The following TMEM35B variants were observed in gnomAD, a reference collection of about 807,000 sequenced individuals.
The protein encoded by TMEM35B is transmembrane protein 35B, also known as ZMYM6 neighbor protein.
TMEM35B carries 6 observed loss-of-function variants against 8.7 expected under a neutral mutation model. The observed-to-expected ratio is 0.69, with a 90% CI of 0.38 to 1.36. The LOEUF is 1.36. Among genes scored for constraint, TMEM35B ranks in the 40% most tolerant of loss-of-function variants. TMEM35B has a pLI of 0.02. For missense variants in TMEM35B, 176 were observed against 181.6 expected (o/e 0.97, Z 0.18); for synonymous variants, 89 against 87.0 (o/e 1.02, Z -0.13).
chr1:34,982,457 CTTTTTTTTTT>C (rs540924637), intron 2 of TMEM35B, among the ~76,000 whole-genome samples: 6 of 129,740 alleles, frequency 4.6e-5, no homozygotes, highest in African/African-American at 1.8e-4. Flanking sequence ...TTCTCCTTTC[CTTTTTTTTTT>C]TTTTTTTTGA....
chr1:34,985,079 C>A (rs1467213998), intron 1 of TMEM35B, 119 bp downstream of exon 1: 1 of 732,920 alleles, frequency 1.4e-6, no homozygotes. Flanking sequence ...CGCTTTCCCC[C>A]AGCTCCAGCT....
chr1:34,981,774 T>TC (rs1640509108), exon 3 of TMEM35B: 1 of 490,678 alleles, frequency 2.0e-6, no homozygotes, highest in African/African-American at 2.0e-5. Flanking sequence ...TAACATGTAC[T>TC]CCTCACAAAA....
At chr1:34,981,921 TGGCATAAA>T in exon 3 of TMEM35B, 1 of 1,499,714 alleles carries the variant, frequency 6.7e-7, no homozygotes, top group Non-Finnish European at 8.9e-7. Context: ...GACAGCTGCA[TGGCATAAA>T]GAGACAGAGA....
intron 1 of TMEM35B, among the ~76,000 whole-genome samples, chr1:34,984,988 T>C (rs1640550470): frequency 1.3e-5 from 2 of 151,698 alleles, no homozygotes; most frequent in African/African-American, 4.9e-5. Context: ...AAGGGGAGGT[T>C]CTGTCCCCTT....
chr1:34,982,756 T>C (rs927967964), intron 2 of TMEM35B, among the ~76,000 whole-genome samples: 4 of 152,292 alleles, frequency 2.6e-5, no homozygotes, highest in African/African-American at 9.6e-5. Context: ...ATTACAGGCA[T>C]GAGCCACCGT....
At chr1:34,983,029 T>C (rs1158354570) in intron 2 of TMEM35B, among the ~76,000 whole-genome samples, 1 of 152,150 alleles carries the variant, frequency 6.6e-6, no homozygotes, top group Non-Finnish European at 1.5e-5. Flanking sequence ...TGAGGGGGAC[T>C]CCCTAGGGAA....
intron 1 of TMEM35B, among the ~76,000 whole-genome samples, chr1:34,984,918 G>A (rs964647157): frequency 6.6e-6 from 1 of 152,076 alleles, no homozygotes; most frequent in African/African-American, 2.4e-5. Flanking sequence ...CAGGGTCCGG[G>A]GGGGTGGGAG....
intron 1 of TMEM35B, among the ~76,000 whole-genome samples, chr1:34,984,498 C>T (rs1008247431): frequency 2.6e-5 from 4 of 152,220 alleles, no homozygotes; most frequent in Non-Finnish European, 5.9e-5. Flanking sequence ...CAGCTCTAAG[C>T]TGTCTGTCTC....
intron 2 of TMEM35B, among the ~76,000 whole-genome samples, 163 bp downstream of exon 2, chr1:34,983,604 A>C (rs999656577): frequency 6.2e-5 from 9 of 145,308 alleles, no homozygotes; most frequent in Non-Finnish European, 1.3e-4. Flanking sequence ...AAAAAAAAAA[A>C]ATACCTGTGC....
At chr1:34,982,048 A>T in exon 3 of TMEM35B, 1 of 1,549,668 alleles carries the variant, frequency 6.5e-7, no homozygotes, top group Non-Finnish European at 8.7e-7. Flanking sequence ...AGCAGCAGGA[A>T]CCCCAGGCAG....
intron 2 of TMEM35B, among the ~76,000 whole-genome samples, chr1:34,982,457 CTTT>C (rs540924637): frequency 9.3e-5 from 12 of 129,706 alleles, no homozygotes; most frequent in Admixed American, 1.6e-4. Flanking sequence ...TTCTCCTTTC[CTTT>C]TTTTTTTTTT....
At chr1:34,983,737 C>T in intron 2 of TMEM35B, 30 bp downstream of exon 2, 1 of 1,450,576 alleles carries the variant, frequency 6.9e-7, no homozygotes, top group South Asian at 1.5e-5. Flanking sequence ...CCAGAAGACC[C>T]CATTTTCTCA....
Position 34,982,132 on chromosome 1 carries a change from G to A in TMEM35B, c.290-13C>T. 3 of 1,537,220 alleles carry A rather than the reference G, an allele frequency of 2.0e-6. No individual in the cohort carries two copies. Among genetic ancestry groups the A allele is most frequent in the Non-Finnish European group, 2.6e-6 (3 of 1,141,002 alleles). ...GTGAAGATAGCCCCTGGAATGGAAA[G>A]TGAGGTCCCTGAGGCTCCTTGGAAG... On this transcript the variant is annotated splice_polypyrimidine_tract_variant and intron_variant, in intron 2 of 2. Coordinates refer to ENST00000373337, the Ensembl canonical transcript of TMEM35B.
In TMEM35B at chr1:34,983,578, C is replaced by CAAAA. The variant is rs1163962621; in HGVS notation, c.289+185_289+188dup. On this transcript the variant is annotated intron_variant, in intron 2 of 2. Coordinates refer to ENST00000373337, the Ensembl canonical transcript of TMEM35B. Reference sequence around the variant, plus strand: ...TGGGCGAAAGAGCGAGACTCCATCTCAAAAAAAAAAAAAAAAAAAAAAAAA... The same window carrying CAAAA: ...TGGGCGAAAGAGCGAGACTCCATCTCAAAAAAAAAAAAAAAAAAAAAAAAAAAAA... 3.0e-3 allele frequency among the ~76,000 whole-genome samples: 69 copies of CAAAA among 23,218 alleles called. 9 individuals carry two copies. The highest frequency in any genetic ancestry group is 0.016 in the South Asian group (9 of 556). 15.2% of individuals were successfully genotyped at this position (23,218 alleles called of 152,430 possible).
At chr1:34,983,578 C>CAAAAAAAAAA (rs1163962621) in intron 2 of TMEM35B, among the ~76,000 whole-genome samples, 189 bp downstream of exon 2, 459 of 23,208 alleles carry the variant, frequency 0.02, 82 homozygotes, top group East Asian at 0.097. Flanking sequence ...GACTCCATCT[C>CAAAAAAAAAA]AAAAAAAAAA....
At chr1:34,983,006 G>C (rs969629718) in intron 2 of TMEM35B, among the ~76,000 whole-genome samples, 4 of 152,122 alleles carry the variant, frequency 2.6e-5, no homozygotes, top group African/African-American at 9.7e-5. Flanking sequence ...CAGTTCCTGT[G>C]GGCAGAGCTA....
chr1:34,985,340 GA>G, exon 1 of TMEM35B: 2 of 1,493,078 alleles, frequency 1.3e-6, no homozygotes, highest in East Asian at 2.6e-5. Context: ...TGGCCCCGCC[GA>G]AAACCCGCCC....
intron 2 of TMEM35B, among the ~76,000 whole-genome samples, chr1:34,983,549 A>G (rs1055723464): frequency 5.7e-5 from 8 of 140,338 alleles, no homozygotes; most frequent in Non-Finnish European, 1.0e-4. Flanking sequence ...ACTGCAGTCC[A>G]GCCTGGGCGA....
exon 2 of TMEM35B, chr1:34,983,943 G>A (rs1406270160): frequency 3.3e-6 from 5 of 1,497,022 alleles, no homozygotes; most frequent in Admixed American, 2.2e-5. Flanking sequence ...CACGAACAGG[G>A]CATTCTAGGG....
Sources: gnomAD v4.1 joint callset for allele counts (sites outside exome capture counted in the v4.1 genomes callset) on GRCh38, gnomAD v4.1.1 for gene constraint, MANE v1.5 for transcripts, NCBI Gene and HGNC (gene_info 2026-07-23, HGNC 2026-07-21) for gene names.